The following WASHC3 variants were observed in gnomAD, a reference collection of about 807,000 sequenced individuals.
WASHC3 encodes the protein WASH complex subunit CCDC53.
Under a neutral mutation model 26.1 loss-of-function variants are expected in WASHC3, and 24 were observed. The ratio of observed to expected loss-of-function variants is 0.92; its 90% confidence interval spans 0.66 to 1.29. The LOEUF is 1.29. WASHC3 is among the 50% of genes most tolerant of loss of function. WASHC3 has a pLI of 0.00. For missense variants in WASHC3, 214 were observed against 229.6 expected (o/e 0.93, Z 0.44); for synonymous variants, 77 against 75.7 (o/e 1.02, Z -0.09).
chr12:102,019,994 C>T (rs1012422243), intron 6 of WASHC3, among the ~76,000 whole-genome samples: 1 of 152,182 alleles, frequency 6.6e-6, no homozygotes, highest in African/African-American at 2.4e-5. Flanking sequence ...TTTTCCCTAT[C>T]CACTTCCTTG....
chr12:102,056,635 A>G (rs868042787), intron 2 of WASHC3, among the ~76,000 whole-genome samples: 58 of 152,236 alleles, frequency 3.8e-4, no homozygotes, highest in African/African-American at 1.4e-3. Context: ...AGAGATTGCT[A>G]TGACCAATTA....
chr12:102,021,083 AAAAAACAAAAAC>A (rs372185028), intron 6 of WASHC3, among the ~76,000 whole-genome samples: 3 of 152,162 alleles, frequency 2.0e-5, no homozygotes, highest in Non-Finnish European at 2.9e-5. Flanking sequence ...ATTCCATCTC[AAAAAACAAAAAC>A]AAAAACAAAA....
chr12:102,030,295 C>CAAA (rs57056667), intron 5 of WASHC3, among the ~76,000 whole-genome samples: 2,989 of 89,042 alleles, frequency 0.034, 109 homozygotes, highest in African/African-American at 0.11. Context: ...AACTCCATCT[C>CAAA]AAAAAAAAAA....
intron 5 of WASHC3, among the ~76,000 whole-genome samples, chr12:102,027,175 G>A (rs1047395012): frequency 1.2e-4 from 18 of 152,008 alleles, no homozygotes; most frequent in Non-Finnish European, 1.9e-4. Flanking sequence ...TATTATTTGC[G>A]GTAAGAACTT....
chr12:102,032,348 G>A (rs1877472231), intron 5 of WASHC3, among the ~76,000 whole-genome samples: 1 of 152,118 alleles, frequency 6.6e-6, no homozygotes, highest in African/African-American at 2.4e-5. Context: ...GTGGAAGTCG[G>A]ACTTGCCCAA....
rs757485027 is a variant in WASHC3, at chr12:102,059,138, ACTG to A, written c.150+2107_150+2109del. On this transcript the variant is annotated intron_variant, in intron 2 of 6. Transcript: ENST00000240079. ...AAGAGATCTCCTACATGTCATGGTGACTGCTGTTAATAACAATATATTGTATTG... is the reference window on the plus strand; with the variant it reads ...AAGAGATCTCCTACATGTCATGGTGACTGTTAATAACAATATATTGTATTG... 1.1e-4 allele frequency among the ~76,000 whole-genome samples: 17 copies of A among 152,276 alleles called. 1 individual carries two copies. The highest frequency in any genetic ancestry group is 2.0e-4 in the Admixed American group (3 of 15,296).
intron 5 of WASHC3, among the ~76,000 whole-genome samples, chr12:102,036,362 CAAAAAA>C (rs1271595888): frequency 1.4e-5 from 1 of 71,976 alleles, no homozygotes; most frequent in South Asian, 5.6e-4. Context: ...GACTCCGTCT[CAAAAAA>C]AAAAAAAAAA....
rs1039270603 is a variant in WASHC3, at chr12:102,044,659, T to A, written c.217-447A>T. On this transcript the variant is annotated intron_variant, in intron 3 of 6. Coordinates refer to ENST00000240079, the MANE Select transcript of WASHC3 (RefSeq NM_016053.4). ...AAAAGGGCTTTGTGCAAATTTTGAG[T>A]TTCAATTATCTAGGATATGACAAAA... is the stretch of plus-strand genomic sequence containing the variant. Among the ~76,000 whole-genome samples, 31 of 152,314 alleles carry A rather than the reference T, an allele frequency of 2.0e-4. No homozygotes were observed. In the South Asian group the frequency reaches 2.3e-3, roughly 11 times the overall value.
upstream of WASHC3, chr12:102,062,003 C>A: frequency 6.5e-7 from 1 of 1,547,814 alleles, no homozygotes; most frequent in East Asian, 2.4e-5. Flanking sequence ...CCCACAAACC[C>A]CTCCCAGATG....
chr12:102,045,315 G>A (rs1419627426), intron 3 of WASHC3, among the ~76,000 whole-genome samples: 4 of 152,112 alleles, frequency 2.6e-5, no homozygotes, highest in African/African-American at 4.8e-5. Context: ...ATAAAGAGAC[G>A]TAGAAAGTAC....
intron 6 of WASHC3, among the ~76,000 whole-genome samples, chr12:102,014,299 C>G (rs1876608201): frequency 6.6e-6 from 1 of 151,908 alleles, no homozygotes; most frequent in South Asian, 2.1e-4. Flanking sequence ...TCTTGATCTC[C>G]TGACCCTGTG....
intron 5 of WASHC3, 23 bp downstream of exon 5, chr12:102,039,842 AAAG>A (rs752519710): frequency 3.5e-6 from 4 of 1,134,578 alleles, no homozygotes; most frequent in Non-Finnish European, 5.4e-6. Flanking sequence ...GCTGCTACAC[AAAG>A]AAGACAGACC....
chr12:102,040,377 AATG>A (rs1350052320), intron 4 of WASHC3: 1 of 152,278 alleles, frequency 6.6e-6, no homozygotes, highest in Non-Finnish European at 1.5e-5. Flanking sequence ...TTATTGAGAT[AATG>A]ATGAATTGAT....
chr12:102,052,897 T>G (rs77121786), intron 2 of WASHC3, among the ~76,000 whole-genome samples: 28,808 of 150,648 alleles, frequency 0.19, 2,775 homozygotes, highest in Non-Finnish European at 0.21. Flanking sequence ...ACCTATAATC[T>G]CAGGCTCCAG....
At chr12:102,021,286 G>T (rs1051737192) in intron 6 of WASHC3, among the ~76,000 whole-genome samples, 1 of 152,104 alleles carries the variant, frequency 6.6e-6, no homozygotes, top group Non-Finnish European at 1.5e-5. Context: ...TCTGTTCTTT[G>T]TCTTAGTAGG....
chr12:102,035,480 A>G (rs1236576232), intron 5 of WASHC3, among the ~76,000 whole-genome samples: 2 of 152,232 alleles, frequency 1.3e-5, no homozygotes, highest in Admixed American at 1.3e-4. Flanking sequence ...TAGATGGTTC[A>G]ATAATCATAA....
At chr12:102,016,880 TAA>T (rs1001009840) in intron 6 of WASHC3, among the ~76,000 whole-genome samples, 2 of 152,248 alleles carry the variant, frequency 1.3e-5, no homozygotes, top group African/African-American at 2.4e-5. Flanking sequence ...AAAAAGTTGA[TAA>T]AGTTATAGTA....
At chr12:102,055,499 C>T (rs555866867) in intron 2 of WASHC3, among the ~76,000 whole-genome samples, 1 of 152,322 alleles carries the variant, frequency 6.6e-6, no homozygotes, top group African/African-American at 2.4e-5. Flanking sequence ...GTGTGCACCA[C>T]CACGCCCAGT....
At chr12:102,034,275 G>A (rs1877559283) in intron 5 of WASHC3, among the ~76,000 whole-genome samples, 2 of 152,044 alleles carry the variant, frequency 1.3e-5, no homozygotes, top group South Asian at 4.1e-4. Flanking sequence ...CCATCCTGAG[G>A]TATAGAGATA....
Sources: allele counts gnomAD v4.1 joint callset (sites outside exome capture counted in the v4.1 genomes callset), GRCh38; gene constraint gnomAD v4.1.1; transcripts MANE v1.5; gene names NCBI Gene and HGNC (gene_info 2026-07-23, HGNC 2026-07-21).